TENM2: variants seen among roughly 807,000 people sequenced by gnomAD.
TENM2 encodes teneurin-2.
TENM2 carries 52 observed loss-of-function variants against 245.2 expected under a neutral mutation model. The ratio of observed to expected loss-of-function variants is 0.21; its 90% CI spans 0.17 to 0.27. TENM2 has a LOEUF of 0.27. Among genes scored for constraint, TENM2 ranks in the 10% least tolerant of loss-of-function variants. TENM2 has a pLI of 1.00. For synonymous variants in TENM2, 1,363 were observed against 1,438.9 expected, an observed-to-expected ratio of 0.95 and a Z score of 1.19; for missense variants, 3,046 against 3,666.8, an observed-to-expected ratio of 0.83 and a Z score of 4.37.
chr5:167,858,016 C>T (rs1771251603), intron 2 of TENM2, among the ~76,000 whole-genome samples: 1 of 152,228 alleles, frequency 6.6e-6, no homozygotes, highest in Non-Finnish European at 1.5e-5. Flanking sequence ...CTAAAGCTAA[C>T]ATTCAATGGA....
chr5:168,170,987 C>T (rs1162759731), intron 13 of TENM2, among the ~76,000 whole-genome samples: 1 of 152,224 alleles, frequency 6.6e-6, no homozygotes, highest in African/African-American at 2.4e-5. Flanking sequence ...AGCTCTGCCT[C>T]ATCCACTCTG....
chr5:167,701,989 A>G (rs1386696472), intron 2 of TENM2, among the ~76,000 whole-genome samples: 1 of 152,188 alleles, frequency 6.6e-6, no homozygotes, highest in African/African-American at 2.4e-5. Flanking sequence ...TCCTGCTTTA[A>G]TCAACCCATC....
intron 2 of TENM2, among the ~76,000 whole-genome samples, chr5:167,737,169 G>A (rs1038709526): frequency 2.6e-5 from 4 of 152,170 alleles, no homozygotes; most frequent in African/African-American, 7.2e-5. Context: ...GAGCCAGTAC[G>A]TCAAAGCGTT....
chr5:167,494,034 G>A (rs1320403008), intron 2 of TENM2, among the ~76,000 whole-genome samples: 1 of 152,060 alleles, frequency 6.6e-6, no homozygotes, highest in African/African-American at 2.4e-5. Context: ...AGCCCTCATG[G>A]GGAAAAATAA....
At chr5:167,247,102 A>G in the TENM2 span, among the ~76,000 whole-genome samples, 2 of 152,180 alleles carry the variant, frequency 1.3e-5, no homozygotes, top group African/African-American at 4.8e-5. Flanking sequence ...ATTAGGCTGC[A>G]TGCTAGACCC....
chr5:168,012,509 G>A (rs1321984490), intron 5 of TENM2, among the ~76,000 whole-genome samples: 1 of 151,770 alleles, frequency 6.6e-6, no homozygotes, highest in Non-Finnish European at 1.5e-5. Flanking sequence ...TTAGCCAGGT[G>A]TGGTGGTGCA....
At chr5:167,688,612 G>A (rs1013606171) in intron 2 of TENM2, among the ~76,000 whole-genome samples, 2 of 152,172 alleles carry the variant, frequency 1.3e-5, no homozygotes, top group African/African-American at 4.8e-5. Flanking sequence ...ATTGCACCAT[G>A]TCCTAGAAAA....
Position 168,244,491 on chromosome 5 carries a change from C to T in TENM2, c.5592C>T (p.His1864=). The change falls in exon 26 of 29, where the codon CAC becomes CAT. Residue 1864 remains histidine (H), a synonymous_variant. Transcript: ENST00000518659. This position sits in a 1 kb window ranked among gnomAD's most constrained non-coding sequence, Gnocchi z 4.9. ...GGACTGAAAAGATCTATGATGACCA[C>T]CGGAAGTTCACCCTGAGGATCATTT... The T allele has an allele frequency of 1.9e-6, 3 of 1,608,838 alleles. No individual in the cohort carries two copies. Among genetic ancestry groups the T allele is most frequent in the Non-Finnish European group, 1.7e-6 (2 of 1,176,856 alleles).
At chr5:168,043,159 C>A (rs1363644200) in intron 5 of TENM2, among the ~76,000 whole-genome samples, 1 of 152,114 alleles carries the variant, frequency 6.6e-6, no homozygotes, top group Admixed American at 6.5e-5. Context: ...CATCCAGGAT[C>A]TCTTGAGGAG....
At chr5:167,795,917 T>A (rs111911691) in intron 2 of TENM2, among the ~76,000 whole-genome samples, 3 of 152,228 alleles carry the variant, frequency 2.0e-5, no homozygotes, top group African/African-American at 7.2e-5. Context: ...TGTCAAATGG[T>A]GGAGATACCT....
At chr5:168,134,138 G>C (rs1754833760) in intron 12 of TENM2, among the ~76,000 whole-genome samples, 1 of 151,978 alleles carries the variant, frequency 6.6e-6, no homozygotes, top group Non-Finnish European at 1.5e-5. Context: ...CTAGGCGACA[G>C]AGTGAGACTC....
intron 2 of TENM2, among the ~76,000 whole-genome samples, chr5:167,520,728 T>A (rs532837561): frequency 6.6e-6 from 1 of 151,948 alleles, no homozygotes; most frequent in African/African-American, 2.4e-5. Flanking sequence ...ACTCTTCATC[T>A]TTTCTCCACG....
intron 2 of TENM2, among the ~76,000 whole-genome samples, chr5:167,834,844 G>A (rs938153245): frequency 8.6e-5 from 13 of 152,002 alleles, no homozygotes; most frequent in African/African-American, 3.1e-4. Flanking sequence ...TAGAGACTGG[G>A]TTTCACCGTG....
intron 1 of TENM2, among the ~76,000 whole-genome samples, chr5:167,333,457 T>C (rs1757573489): frequency 6.6e-6 from 1 of 152,212 alleles, no homozygotes; most frequent in South Asian, 2.1e-4. Context: ...ATTATTATCA[T>C]TATTAGAAAA....
chr5:167,533,984 G>A (rs995014688), intron 2 of TENM2, among the ~76,000 whole-genome samples: 1 of 152,152 alleles, frequency 6.6e-6, no homozygotes, highest in Non-Finnish European at 1.5e-5. Context: ...GCTTGAAGAA[G>A]CAACAAGCTT....
chr5:167,919,731 G>C (rs938076720), intron 3 of TENM2, among the ~76,000 whole-genome samples: 2 of 152,182 alleles, frequency 1.3e-5, no homozygotes, highest in Non-Finnish European at 2.9e-5. Flanking sequence ...AAAGCATATA[G>C]AATAGCAAGT....
At position 167,471,739 on chromosome 5, in the gene TENM2, C is replaced by T. The variant is rs188069393; in HGVS notation, c.502+96266C>T. On this transcript the variant is annotated intron_variant, in intron 2 of 28. Transcript: ENST00000518659. ...AGACAGGTAGGTGTGTGGTGATAGA[C>T]GCAGAAGTATGGTATCTACATCAGT... Among the ~76,000 whole-genome samples the T allele has an allele frequency of 3.0e-3, 460 of 152,242 alleles. 3 individuals carry two copies. The highest frequency in any genetic ancestry group is 0.011 in the African/African-American group (439 of 41,544).
At chr5:166,992,307 G>T in the TENM2 span, among the ~76,000 whole-genome samples, 282 of 152,218 alleles carry the variant, frequency 1.9e-3, no homozygotes, top group South Asian at 0.011. Flanking sequence ...CTTTTCCGAG[G>T]TTTGTTTGAG....
intron 2 of TENM2, among the ~76,000 whole-genome samples, chr5:167,844,374 G>A (rs1021708775): frequency 2.0e-5 from 3 of 152,222 alleles, no homozygotes; most frequent in African/African-American, 7.2e-5. Context: ...ATGTGCTAGA[G>A]TAAGACAAAT....
Sources: gnomAD v4.1 joint callset for allele counts (sites outside exome capture counted in the v4.1 genomes callset) on GRCh38, gnomAD v4.1.1 for gene constraint, Gnocchi (gnomAD v3.1) non-coding constraint, MANE v1.5 for transcripts, NCBI Gene and HGNC (gene_info 2026-07-23, HGNC 2026-07-21) for gene names.